Variants in LPA observed in about 807,000 individuals in gnomAD.
LPA encodes lipoprotein(a).
In LPA, 199 loss-of-function variants were observed where a neutral mutation model predicts 197.9. The ratio of observed to expected loss-of-function variants is 1.01; its 90% CI spans 0.90 to 1.13. The LOEUF (loss-of-function observed/expected upper bound fraction) is 1.13, where lower values mean the gene tolerates loss of function less well. LPA is among the 50% of genes most tolerant of loss of function. The pLI is 0.00. For synonymous variants in LPA, 715 were observed against 639.5 expected, an observed-to-expected ratio of 1.12 and a Z score of -1.78; for missense variants, 1,853 against 1,785.8, an observed-to-expected ratio of 1.04 and a Z score of -0.68.
intron 2 of LPA, among the ~76,000 whole-genome samples, chr6:160,647,324 G>T (rs56791859): frequency 2.0e-5 from 3 of 152,288 alleles, no homozygotes; most frequent in East Asian, 3.9e-4. Context: ...TGAAGCATTC[G>T]CTCTTCCTTA....
chr6:160,547,845 G>T lies in LPA; in HGVS notation c.5248C>A (p.His1750Asn). Reference protein sequence around the residue: ...PCQEWAAQEPHRHSTFIPGTN... With the variant: ...PCQEWAAQEPNRHSTFIPGTN... ...CCTGGAATGAACGTGCTGTGTCTAT[G>T]GGGCTCCTGGGCAGCCCATTCCTGG... is the stretch of plus-strand genomic sequence containing the variant. Residue 1750 changes from histidine (H) to asparagine (N), a missense_variant, in exon 32 of 39, where the codon CAT becomes AAT. Coordinates refer to ENST00000316300, the MANE Select transcript of LPA (RefSeq NM_005577.4). The T allele has an allele frequency of 6.2e-6, 10 of 1,614,100 alleles. No homozygotes were observed. The highest frequency in any genetic ancestry group is 8.5e-6 in the Non-Finnish European group (10 of 1,180,006).
chr6:160,607,451 G>T (rs1168375301), intron 16 of LPA, among the ~76,000 whole-genome samples: 1 of 152,096 alleles, frequency 6.6e-6, no homozygotes. Context: ...AGAACAGTGG[G>T]ACCCATGGCA....
At chr6:160,661,721 A>G (rs1401970281) in intron 1 of LPA, among the ~76,000 whole-genome samples, 1 of 152,206 alleles carries the variant, frequency 6.6e-6, no homozygotes, top group African/African-American at 2.4e-5. Context: ...ATATCAAAAT[A>G]TCATTGAGAA....
Position 160,662,451 on chromosome 6 carries a change from G to A in LPA, c.49+1715C>T, listed in dbSNP as rs1277118125. 3.3e-5 allele frequency among the ~76,000 whole-genome samples: 5 copies of A among 152,152 alleles called. No homozygotes were observed. The East Asian group carries it at 9.6e-4, about 29-fold the overall frequency. On this transcript the variant is annotated intron_variant, in intron 1 of 38. Transcript: ENST00000316300. ...CTCCCCGGGCATTCCAGCACACATT[G>A]GAAAGATAACACGTCCACAGAAAGC...
intron 24 of LPA, among the ~76,000 whole-genome samples, chr6:160,588,516 T>A (rs1778960045): frequency 6.6e-6 from 1 of 152,180 alleles, no homozygotes; most frequent in Non-Finnish European, 1.5e-5. Context: ...AGCTTACTGT[T>A]CCCCTGCAGT....
chr6:160,563,891 CT>C (rs1022079709), intron 28 of LPA, among the ~76,000 whole-genome samples: 3 of 151,416 alleles, frequency 2.0e-5, no homozygotes, highest in Non-Finnish European at 2.9e-5. Flanking sequence ...GCAACCGCTG[CT>C]TTTTTTTTCT....
intron 37 of LPA, among the ~76,000 whole-genome samples, chr6:160,536,911 A>AG (rs1366215822): frequency 6.6e-6 from 1 of 152,226 alleles, no homozygotes; most frequent in Non-Finnish European, 1.5e-5. Context: ...ATCAAATCAA[A>AG]GCTTATGCAA....
intron 19 of LPA, among the ~76,000 whole-genome samples, chr6:160,600,657 C>A (rs920356284): frequency 1.3e-5 from 2 of 152,092 alleles, no homozygotes; most frequent in Non-Finnish European, 2.9e-5. Context: ...ATGAGATAGC[C>A]CCTTTTACAA....
At chr6:160,608,014 G>C (rs1370636062) in intron 16 of LPA, among the ~76,000 whole-genome samples, 1 of 152,020 alleles carries the variant, frequency 6.6e-6, no homozygotes, top group East Asian at 1.9e-4. Context: ...CATGATTTAC[G>C]CTACTTGTTC....
At chr6:160,596,246 G>T (rs1168253993) in intron 20 of LPA, among the ~76,000 whole-genome samples, 1 of 152,146 alleles carries the variant, frequency 6.6e-6, no homozygotes, top group Non-Finnish European at 1.5e-5. Context: ...CATTTGTTTA[G>T]CCAGACTGTG....
chr6:160,606,727 C>G, intron 16 of LPA, 69 bp from the exon 17 acceptor site: 1 of 1,572,760 alleles, frequency 6.4e-7, no homozygotes, highest in East Asian at 2.2e-5. Flanking sequence ...ACACCCTCTC[C>G]TTTGTGCTGC....
chr6:160,548,578 C>T lies in LPA; in HGVS notation c.5055G>A (p.Trp1685Ter). The change falls in exon 31 of 39, where the codon TGG (tryptophan) becomes TGA (stop). Residue 1685 changes from tryptophan (W) to a stop codon, truncating the protein, a stop_gained. Transcript: ENST00000316300. LOFTEE classifies it high-confidence loss of function. ...AGCATCGCGTCAGGTTGCAGTACTC[C>T]CACCTGATGCTGGGGTCCATGGTAA... Reference protein sequence around the residue: ...WCFTMDPSIRWEYCNLTRCSD... With the variant: ...WCFTMDPSIR 6.2e-7 allele frequency: 1 copy of T among 1,614,118 alleles called. No individual in the cohort carries two copies. Among genetic ancestry groups the T allele is most frequent in the African/African-American group, 1.3e-5 (1 of 75,024 alleles).
In LPA at chr6:160,658,277, C is replaced by G. The variant is rs532576668; in HGVS notation, c.49+5889G>C. Among the ~76,000 whole-genome samples the G allele has an allele frequency of 2.0e-5, 3 of 152,310 alleles. No homozygotes were observed. In the East Asian group the frequency reaches 5.8e-4, roughly 29 times the overall value. On this transcript the variant is annotated intron_variant, in intron 1 of 38. Transcript: ENST00000316300. ...TTCCAGGGTCCCATTTTTTTCCAGT[C>G]AATGCCCTCACTTTAACAGTAAACA...
chr6:160,611,454 C>T lies in LPA; in HGVS notation c.2603+108G>A, dbSNP rs1219582831. ...ATCCTGAGACATTTTGCTACACCAT[C>T]TGAATCTGACACAAGTTGAGTTCGG... On this transcript the variant is annotated intron_variant, in intron 16 of 38. Transcript: ENST00000316300. 10 of 1,539,092 alleles carry T rather than the reference C, an allele frequency of 6.5e-6. No individual in the cohort carries two copies. The Admixed American group carries it at 1.2e-4, about 18-fold the overall frequency.
chr6:160,589,621 C>G lies in LPA; in HGVS notation c.3879G>C (p.Arg1293Ser), dbSNP rs758893863. The G allele has an allele frequency of 1.9e-6, 3 of 1,613,848 alleles. No homozygotes were observed. Among genetic ancestry groups the G allele is most frequent in the African/African-American group, 2.7e-5 (2 of 74,906 alleles). The stretch of plus-strand genomic sequence containing the variant: ...TCATAGAGGACCAAGACTGACATGT[C>G]CTTCCTGTAACAGTGGTGGAGAATG... ...RGSFSTTVTG[R>S]TCQSWSSMTP... The change falls in exon 24 of 39, where the codon AGG becomes AGC. Residue 1293 changes from arginine (R) to serine (S), a missense_variant. Transcript: ENST00000316300.
intron 1 of LPA, among the ~76,000 whole-genome samples, chr6:160,654,623 A>C (rs1780100120): frequency 2.6e-5 from 4 of 152,186 alleles, no homozygotes; most frequent in Admixed American, 2.6e-4. Flanking sequence ...AACTATCCTC[A>C]TACAACCAGA....
At chr6:160,607,615 C>T (rs1779386242) in intron 16 of LPA, among the ~76,000 whole-genome samples, 1 of 152,110 alleles carries the variant, frequency 6.6e-6, no homozygotes, top group Non-Finnish European at 1.5e-5. Context: ...TTGCTCCAAC[C>T]TCTCTCTATC....
At chr6:160,650,527 A>C (rs1001674616) in intron 1 of LPA, 30 bp from the exon 2 acceptor site, 7 of 1,610,620 alleles carry the variant, frequency 4.3e-6, no homozygotes, top group Non-Finnish European at 5.9e-6. Context: ...AATCAAGCTG[A>C]ATAGTTCTTA....
At chr6:160,572,310 G>C (rs1778577728) in intron 28 of LPA, among the ~76,000 whole-genome samples, 1 of 147,712 alleles carries the variant, frequency 6.8e-6, no homozygotes, top group Non-Finnish European at 1.5e-5. Context: ...GACTGGAGCT[G>C]TTCCTATTCA....
Sources: gnomAD v4.1 joint callset for allele counts (sites outside exome capture counted in the v4.1 genomes callset) on GRCh38, gnomAD v4.1.1 for gene constraint, MANE v1.5 for transcripts, NCBI Gene and HGNC (gene_info 2026-07-23, HGNC 2026-07-21) for gene names.